The following KCTD19 variants were observed in gnomAD, a reference collection of about 807,000 sequenced individuals.
KCTD19 encodes potassium channel tetramerization domain containing 19, also known as BTB/POZ domain-containing protein KCTD19.
A neutral mutation model predicts 103.5 loss-of-function variants in KCTD19; 67 were observed. That is an observed-to-expected ratio of 0.65 (90% CI 0.53 to 0.79). The LOEUF (loss-of-function observed/expected upper bound fraction) is 0.79, where lower values mean the gene tolerates loss of function less well. KCTD19 is among the 30% of genes least tolerant of loss of function. The probability of loss-of-function intolerance (pLI) is 0.00; values close to 1 mark genes in which losing one functional copy is unlikely to be tolerated. For missense variants in KCTD19, 980 were observed against 1,136.1 expected (o/e 0.86, Z 1.98); for synonymous variants, 439 against 452.2 (o/e 0.97, Z 0.37).
At chr16:67,310,037 C>T (rs981464343) in intron 2 of KCTD19, among the ~76,000 whole-genome samples, 6 of 152,218 alleles carry the variant, frequency 3.9e-5, no homozygotes, top group Non-Finnish European at 7.3e-5. Context: ...AGGCATCGGC[C>T]TTGACCTAGG....
chr16:67,314,271 T>C (rs1302732985), intron 2 of KCTD19, among the ~76,000 whole-genome samples: 3 of 147,492 alleles, frequency 2.0e-5, no homozygotes, highest in Non-Finnish European at 4.5e-5. Context: ...CCTTCCTTCC[T>C]TTCTTTCTTT....
intron 2 of KCTD19, among the ~76,000 whole-genome samples, chr16:67,319,625 G>A (rs2037050236): frequency 1.3e-5 from 2 of 151,918 alleles, no homozygotes. Flanking sequence ...GAAAAATTAG[G>A]AAAGAAAGGT....
chr16:67,326,672 CT>C (rs1447355256), intron 1 of KCTD19, 32 bp downstream of exon 1: 2 of 1,578,148 alleles, frequency 1.3e-6, no homozygotes, highest in Non-Finnish European at 1.7e-6. Flanking sequence ...CGCTTTGGTG[CT>C]TTTGGCGCCC....
chr16:67,293,341 C>T lies in KCTD19; in HGVS notation c.2218+203G>A, dbSNP rs2036721204. ...GGCACCTCCTTCCCACAGCACTCAT[C>T]CCTTCGCCGTGTGTGTTCTCCTGGC... On this transcript the variant is annotated intron_variant, in intron 12 of 15. Transcript: ENST00000304372. The surrounding 1 kb of genome is among the most constrained non-coding windows in gnomAD (Gnocchi z 4.0). Among the ~76,000 whole-genome samples, 1 of 152,198 alleles carries T rather than the reference C, an allele frequency of 6.6e-6. No homozygotes were observed. The highest frequency in any genetic ancestry group is 2.4e-5 in the African/African-American group (1 of 41,458).
chr16:67,295,527 CCTGT>C, intron 8 of KCTD19, 122 bp from the exon 9 acceptor site: 1 of 930,834 alleles, frequency 1.1e-6, no homozygotes. Flanking sequence ...ATTCCATTTC[CCTGT>C]CTTGTCAGTC....
At chr16:67,296,033 G>A (rs868053834) in intron 8 of KCTD19, 126 bp downstream of exon 8, 20 of 676,374 alleles carry the variant, frequency 3.0e-5, no homozygotes, top group Middle Eastern at 7.5e-4. Flanking sequence ...ATGAGCCACC[G>A]TGCCTGGCGG....
intron 6 of KCTD19, among the ~76,000 whole-genome samples, chr16:67,298,352 C>T (rs540637278): frequency 5.3e-5 from 8 of 152,232 alleles, no homozygotes; most frequent in South Asian, 2.1e-4. Context: ...CCTGGACAAC[C>T]GGTCACATTT....
At chr16:67,316,513 G>A (rs985545813) in intron 2 of KCTD19, among the ~76,000 whole-genome samples, 2 of 152,058 alleles carry the variant, frequency 1.3e-5, no homozygotes, top group Admixed American at 6.6e-5. Context: ...ATGATATGCT[G>A]GGGAAAATGT....
chr16:67,322,094 C>G (rs563917056), intron 1 of KCTD19: 1 of 152,250 alleles, frequency 6.6e-6, no homozygotes, highest in Admixed American at 6.5e-5. Flanking sequence ...AATAAAACCC[C>G]TACACTTATG....
Position 67,289,587 on chromosome 16 carries a change from C to G in KCTD19, c.2763G>C (p.Lys921Asn), listed in dbSNP as rs771321349. Residue 921 changes from lysine to asparagine, a missense_variant, in exon 16 of 16, where the codon AAG becomes AAC. By Grantham distance (94) the Lys-to-Asn change is moderately conservative. Coordinates refer to ENST00000304372, the MANE Select transcript of KCTD19 (RefSeq NM_001100915.3). The part of the protein sequence containing the change: ...SRSVSYSILG[K>N]YLQED Reference sequence around the variant, plus strand: ...GGGCACCCTAGTCCTCTTGTAGGTACTTTCCCAGGATGGAGTAAGAGACAG... The same window carrying G: ...GGGCACCCTAGTCCTCTTGTAGGTAGTTTCCCAGGATGGAGTAAGAGACAG... The G allele has an allele frequency of 6.8e-6, 11 of 1,612,906 alleles. No individual in the cohort carries two copies. In the East Asian group the frequency reaches 2.5e-4, roughly 36 times the overall value.
intron 2 of KCTD19, among the ~76,000 whole-genome samples, chr16:67,318,341 C>T (rs2037034451): frequency 1.3e-5 from 2 of 152,028 alleles, no homozygotes; most frequent in Admixed American, 6.6e-5. Context: ...GCGGGAGGAT[C>T]GCTTGAGCTC....
chr16:67,318,284 G>A (rs925307910), intron 2 of KCTD19, among the ~76,000 whole-genome samples: 2 of 152,116 alleles, frequency 1.3e-5, no homozygotes, highest in Non-Finnish European at 2.9e-5. Context: ...GCTTGTGGCT[G>A]GGCGCGGTGG....
chr16:67,314,830 T>TATATAGAGAGAGAGAG (rs1430877802), intron 2 of KCTD19, among the ~76,000 whole-genome samples: 2 of 33,652 alleles, frequency 5.9e-5, no homozygotes, highest in African/African-American at 2.1e-4. Context: ...TATATATATA[T>TATATAGAGAGAGAGAG]AGAGAGAGAG....
Position 67,297,489 on chromosome 16 carries a change from G to A in KCTD19, c.1147+14C>T. 6.2e-7 allele frequency: 1 copy of A among 1,613,178 alleles called. No homozygotes were observed. The highest frequency in any genetic ancestry group is 8.5e-7 in the Non-Finnish European group (1 of 1,179,404). On this transcript the variant is annotated intron_variant, in intron 7 of 15. Coordinates refer to ENST00000304372, the MANE Select transcript of KCTD19 (RefSeq NM_001100915.3). ...CCTGATGCTAAATTCAAACCTAGAAGCTTTCTCACTTACTGAGCACATCCA... is the reference window on the plus strand; with the variant it reads ...CCTGATGCTAAATTCAAACCTAGAAACTTTCTCACTTACTGAGCACATCCA...
intron 1 of KCTD19, 150 bp downstream of exon 1, chr16:67,326,555 G>T: frequency 1.0e-6 from 1 of 1,004,402 alleles, no homozygotes; most frequent in Non-Finnish European, 1.4e-6. Context: ...CTCAGAGCCA[G>T]CCCCCCAAAT....
rs1425336720 is a variant in KCTD19 at position 67,301,938 on chromosome 16, G to A, written c.644-16C>T. The A allele has an allele frequency of 6.2e-7, 1 of 1,613,512 alleles. No individual in the cohort carries two copies. ...AGAAAATTCACTTGAAAAACAAAGGGGAACACAGTGAGTTAATGAGGCTAT... is the reference window on the plus strand; with the variant it reads ...AGAAAATTCACTTGAAAAACAAAGGAGAACACAGTGAGTTAATGAGGCTAT... On this transcript the variant is annotated splice_polypyrimidine_tract_variant and intron_variant, in intron 4 of 15. Coordinates refer to ENST00000304372, the MANE Select transcript of KCTD19 (RefSeq NM_001100915.3).
chr16:67,317,795 A>G (rs9925727), intron 2 of KCTD19, among the ~76,000 whole-genome samples: 18,680 of 152,098 alleles, frequency 0.12, 2,550 homozygotes, highest in African/African-American at 0.34. Context: ...GGATCATCCT[A>G]TGTTTTCCCC....
chr16:67,305,593 C>A, intron 2 of KCTD19: 1 of 455,726 alleles, frequency 2.2e-6, no homozygotes, highest in Non-Finnish European at 4.4e-6. Context: ...ACCCAGGGAC[C>A]CATTCTCCCT....
intron 7 of KCTD19, among the ~76,000 whole-genome samples, chr16:67,296,969 C>T (rs1169731093): frequency 6.6e-6 from 1 of 152,188 alleles, no homozygotes; most frequent in Non-Finnish European, 1.5e-5. Context: ...ATGACCGGTA[C>T]TCAATAAATG....
Sources: allele counts gnomAD v4.1 joint callset (sites outside exome capture counted in the v4.1 genomes callset), GRCh38; gene constraint gnomAD v4.1.1; non-coding constraint Gnocchi (gnomAD v3.1); transcripts MANE v1.5; gene names NCBI Gene and HGNC (gene_info 2026-07-23, HGNC 2026-07-21).